The following GRID2 variants were observed in gnomAD, a reference collection of about 807,000 sequenced individuals.
The protein encoded by GRID2 is glutamate receptor ionotropic, delta-2.
A neutral mutation model predicts 114.8 loss-of-function variants in GRID2; 33 were observed. That is an observed-to-expected ratio of 0.29 (90% CI 0.22 to 0.38). The LOEUF (loss-of-function observed/expected upper bound fraction) is 0.38, where lower values mean the gene tolerates loss of function less well. Among genes scored for constraint, GRID2 ranks in the 10% least tolerant of loss-of-function variants. The pLI is 1.00. For synonymous variants in GRID2, 505 were observed against 449.9 expected, an observed-to-expected ratio of 1.12 and a Z score of -1.55; for missense variants, 1,184 against 1,257.7, an observed-to-expected ratio of 0.94 and a Z score of 0.89.
intron 8 of GRID2, among the ~76,000 whole-genome samples, chr4:93,351,505 C>A (rs921645106): frequency 1.1e-4 from 16 of 151,914 alleles, no homozygotes; most frequent in African/African-American, 3.6e-4. Flanking sequence ...ATTAGAAATA[C>A]AACTATCAAG....
intron 2 of GRID2, among the ~76,000 whole-genome samples, chr4:92,699,008 A>G (rs1734547380): frequency 6.6e-6 from 1 of 152,148 alleles, no homozygotes; most frequent in Non-Finnish European, 1.5e-5. Flanking sequence ...CTTATTTTGC[A>G]CAACTGAAAT....
Position 92,645,709 on chromosome 4 carries a change from C to G in GRID2, c.244+55423C>G, listed in dbSNP as rs531170888. On this transcript the variant is annotated intron_variant, in intron 2 of 15. Coordinates refer to ENST00000282020, the MANE Select transcript of GRID2 (RefSeq NM_001510.4). The stretch of plus-strand genomic sequence containing the variant: ...CTATGATTTTTATCACCATGGACTG[C>G]TCCTTAACTTGACATGTATTCTTTT... Among the ~76,000 whole-genome samples the G allele has an allele frequency of 3.7e-3, 557 of 151,862 alleles. 4 individuals carry two copies. Among genetic ancestry groups the G allele is most frequent in the Non-Finnish European group, 6.5e-3 (440 of 67,848 alleles).
intron 2 of GRID2, among the ~76,000 whole-genome samples, chr4:92,953,617 A>C (rs2149138174): frequency 6.6e-6 from 1 of 152,258 alleles, no homozygotes; most frequent in East Asian, 1.9e-4. Flanking sequence ...ATTACTAACC[A>C]GAATTACAGC....
intron 2 of GRID2, among the ~76,000 whole-genome samples, chr4:93,039,838 G>A (rs913992324): frequency 3.9e-5 from 6 of 152,076 alleles, no homozygotes; most frequent in Non-Finnish European, 5.9e-5. Flanking sequence ...TAACCATACT[G>A]CACAGTGCCT....
chr4:93,105,525 T>C (rs988909096), intron 3 of GRID2, among the ~76,000 whole-genome samples: 3 of 152,210 alleles, frequency 2.0e-5, no homozygotes, highest in African/African-American at 7.2e-5. Context: ...TTTCTACATA[T>C]GGCTAGCCAG....
At chr4:93,567,597 G>A (rs1735550061) in intron 13 of GRID2, among the ~76,000 whole-genome samples, 1 of 152,214 alleles carries the variant, frequency 6.6e-6, no homozygotes, top group South Asian at 2.1e-4. Flanking sequence ...AAATAAGACA[G>A]ATAATGTAAG....
intron 8 of GRID2, among the ~76,000 whole-genome samples, chr4:93,263,522 CATTG>C (rs1173884594): frequency 1.3e-5 from 2 of 152,010 alleles, no homozygotes; most frequent in African/African-American, 4.8e-5. Flanking sequence ...ATATCCTTCT[CATTG>C]ATTTATGATG....
At chr4:93,025,455 T>A (rs1723793594) in intron 2 of GRID2, among the ~76,000 whole-genome samples, 2 of 151,706 alleles carry the variant, frequency 1.3e-5, no homozygotes, top group South Asian at 4.1e-4. Context: ...GTGTAGGAAT[T>A]TGTTTCATCT....
chr4:93,574,093 AT>A (rs1362271846), intron 13 of GRID2, among the ~76,000 whole-genome samples: 1 of 152,158 alleles, frequency 6.6e-6, no homozygotes, highest in Non-Finnish European at 1.5e-5. Flanking sequence ...ATTTCAACAT[AT>A]GTTCAGAATA....
At chr4:92,972,569 A>G (rs1209846409) in intron 2 of GRID2, among the ~76,000 whole-genome samples, 1 of 151,898 alleles carries the variant, frequency 6.6e-6, no homozygotes, top group Non-Finnish European at 1.5e-5. Context: ...GATCTTATTT[A>G]TCTCAGTTTT....
intron 2 of GRID2, among the ~76,000 whole-genome samples, chr4:93,052,035 C>T (rs1216137461): frequency 6.6e-6 from 1 of 151,988 alleles, no homozygotes; most frequent in South Asian, 2.1e-4. Flanking sequence ...TTAAAAATGG[C>T]AAAGTATTAT....
intron 2 of GRID2, among the ~76,000 whole-genome samples, chr4:92,935,175 C>T (rs2149526206): frequency 1.4e-5 from 2 of 145,844 alleles, no homozygotes; most frequent in African/African-American, 4.9e-5. Flanking sequence ...CTACAATGAA[C>T]TCAAACAAAT....
intron 1 of GRID2, among the ~76,000 whole-genome samples, chr4:93,804,361 G>A (rs930614552): frequency 3.9e-5 from 6 of 152,060 alleles, no homozygotes; most frequent in African/African-American, 1.2e-4. Context: ...AACCTAGATG[G>A]TTTAGCCTAC....
At chr4:92,950,642 C>T (rs909568225) in intron 2 of GRID2, among the ~76,000 whole-genome samples, 5 of 152,022 alleles carry the variant, frequency 3.3e-5, no homozygotes, top group Non-Finnish European at 5.9e-5. Flanking sequence ...GTGGTACCAA[C>T]GAAGCATGGC....
At chr4:92,461,447 A>AT (rs144638674) in intron 1 of GRID2, among the ~76,000 whole-genome samples, 1 of 151,892 alleles carries the variant, frequency 6.6e-6, no homozygotes, top group African/African-American at 2.4e-5. Flanking sequence ...TGTGTTTGCC[A>AT]TTTTTTTCTA....
intron 2 of GRID2, among the ~76,000 whole-genome samples, chr4:92,936,787 A>G (rs1335415686): frequency 6.8e-6 from 1 of 146,400 alleles, no homozygotes; most frequent in African/African-American, 2.4e-5. Flanking sequence ...AATATTTTTA[A>G]TTACTTACTT....
intron 2 of GRID2, among the ~76,000 whole-genome samples, chr4:92,595,206 A>G (rs998222534): frequency 6.6e-6 from 1 of 152,018 alleles, no homozygotes; most frequent in Non-Finnish European, 1.5e-5. Flanking sequence ...AAAATGTATT[A>G]AACTATAATA....
At chr4:93,280,340 ATTG>A (rs1019418958) in intron 8 of GRID2, among the ~76,000 whole-genome samples, 1 of 151,976 alleles carries the variant, frequency 6.6e-6, no homozygotes, top group African/African-American at 2.4e-5. Context: ...ATGCATTATT[ATTG>A]TACAGGCATA....
chr4:92,745,170 T>C (rs998900464), intron 2 of GRID2, among the ~76,000 whole-genome samples: 2 of 152,218 alleles, frequency 1.3e-5, no homozygotes, highest in African/African-American at 4.8e-5. Flanking sequence ...CACAGATATA[T>C]TAAATTACTT....
Sources: allele counts gnomAD v4.1 joint callset (sites outside exome capture counted in the v4.1 genomes callset), GRCh38; gene constraint gnomAD v4.1.1; transcripts MANE v1.5; gene names NCBI Gene and HGNC (gene_info 2026-07-23, HGNC 2026-07-21).